MYL11: variants seen among roughly 807,000 people sequenced by gnomAD.
The protein encoded by MYL11 is myosin regulatory light chain 11.
At chr16:30,375,601 G>C in the MYL11 span, among the ~76,000 whole-genome samples, 2 of 152,168 alleles carry the variant, frequency 1.3e-5, no homozygotes, top group Admixed American at 1.3e-4. Flanking sequence ...CACCCATTGT[G>C]GGGGATGGAG....
chr16:30,376,107 AT>A, the MYL11 span: 1 of 1,603,118 alleles, frequency 6.2e-7, no homozygotes, highest in Non-Finnish European at 8.5e-7. Flanking sequence ...AGGCTGGGCC[AT>A]GGGGGACCTA....
the MYL11 span, chr16:30,375,835 A>C: frequency 4.3e-6 from 7 of 1,613,970 alleles, no homozygotes; most frequent in Non-Finnish European, 5.9e-6. Flanking sequence ...CAAGAGGGCC[A>C]AGAGAAGGAC....
the MYL11 span, chr16:30,377,440 G>A: frequency 2.2e-6 from 1 of 462,498 alleles, no homozygotes; most frequent in Non-Finnish European, 3.7e-6. Flanking sequence ...AGAGGTAAGG[G>A]AGTAGTTAAG....
chr16:30,376,426 G>T, the MYL11 span: 6 of 1,612,612 alleles, frequency 3.7e-6, no homozygotes, highest in Non-Finnish European at 5.1e-6. Flanking sequence ...CCTCCAGGCC[G>T]CCTCAATGTG....
chr16:30,377,374 C>A, the MYL11 span, among the ~76,000 whole-genome samples: 2 of 152,062 alleles, frequency 1.3e-5, no homozygotes, highest in Non-Finnish European at 2.9e-5. Flanking sequence ...CAGGGTGAGA[C>A]CCTGTCTCAA....
the MYL11 span, chr16:30,376,728 C>A: frequency 1.4e-5 from 22 of 1,595,112 alleles, no homozygotes; most frequent in South Asian, 8.9e-5. Flanking sequence ...CCCTTCCGAC[C>A]CTTCCCCCAC....
chr16:30,376,594 C>G, the MYL11 span: 1 of 1,614,034 alleles, frequency 6.2e-7, no homozygotes, highest in Non-Finnish European at 8.5e-7. Context: ...GACCCATCAG[C>G]TTCATGTGCC....
the MYL11 span, among the ~76,000 whole-genome samples, chr16:30,374,183 T>C: frequency 1.1e-4 from 16 of 151,714 alleles, no homozygotes; most frequent in Non-Finnish European, 4.4e-5. Flanking sequence ...CCTGGCTTCG[T>C]GGCACACCTA....
chr16:30,377,664 C>T, the MYL11 span: 1 of 1,523,838 alleles, frequency 6.6e-7, no homozygotes, highest in Non-Finnish European at 8.9e-7. Flanking sequence ...CCTGGAGGAG[C>T]TGCTGACCAC....
chr16:30,374,377 C>T, the MYL11 span, among the ~76,000 whole-genome samples: 6 of 151,926 alleles, frequency 3.9e-5, no homozygotes. Context: ...GAACTCCTGG[C>T]CTCAAGCAAT....
chr16:30,375,604 G>A, the MYL11 span, among the ~76,000 whole-genome samples: 2 of 152,188 alleles, frequency 1.3e-5, no homozygotes, highest in Non-Finnish European at 2.9e-5. Flanking sequence ...CCATTGTGGG[G>A]GATGGAGAGT....
chr16:30,371,826 G>A, the MYL11 span, among the ~76,000 whole-genome samples: 1 of 152,030 alleles, frequency 6.6e-6, no homozygotes, highest in African/African-American at 2.4e-5. Context: ...TCTCATGAGC[G>A]CTCCAGGTTG....
At chr16:30,375,578 A>G in the MYL11 span, among the ~76,000 whole-genome samples, 7 of 152,134 alleles carry the variant, frequency 4.6e-5, no homozygotes, top group Admixed American at 1.3e-4. Context: ...CACTGAGAAG[A>G]TAAGGAAGCT....
At chr16:30,374,829 C>T in the MYL11 span, 57 of 1,613,028 alleles carry the variant, frequency 3.5e-5, no homozygotes, top group Non-Finnish European at 4.6e-5. Flanking sequence ...CAGCCGGAGC[C>T]GCTGCCTTGC....
chr16:30,374,786 G>T, the MYL11 span: 1 of 1,587,320 alleles, frequency 6.3e-7, no homozygotes, highest in South Asian at 1.1e-5. Context: ...TAACCCCAGA[G>T]GGACTGCCCC....
the MYL11 span, chr16:30,377,818 T>TC: frequency 5.6e-6 from 9 of 1,613,190 alleles, no homozygotes; most frequent in East Asian, 2.2e-5. Flanking sequence ...TGGGCGGCCT[T>TC]CCCCCCCGAC....
At chr16:30,376,778 C>T in the MYL11 span, 35 of 1,406,264 alleles carry the variant, frequency 2.5e-5, no homozygotes, top group Admixed American at 4.0e-4. Context: ...CCTTAAATTT[C>T]TACCAAGGCT....
chr16:30,376,837 C>A, the MYL11 span: 1 of 812,664 alleles, frequency 1.2e-6, no homozygotes, highest in Non-Finnish European at 2.0e-6. Context: ...GAGGCAGAGG[C>A]AGGAGGATTT....
At chr16:30,374,773 A>C in the MYL11 span, 1 of 1,550,152 alleles carries the variant, frequency 6.5e-7, no homozygotes, top group Non-Finnish European at 8.8e-7. Flanking sequence ...GGGCAGGACT[A>C]TATAACCCCA....
Sources: allele counts gnomAD v4.1 joint callset (sites outside exome capture counted in the v4.1 genomes callset), GRCh38; gene constraint gnomAD v4.1.1; transcripts MANE v1.5; gene names NCBI Gene and HGNC (gene_info 2026-07-23, HGNC 2026-07-21).